Variants in NTM observed in about 807,000 individuals in gnomAD.
The protein encoded by NTM is neurotrimin.
NTM carries 13 observed loss-of-function variants against 42.1 expected under a neutral mutation model. The ratio of observed to expected loss-of-function variants is 0.31; its 90% CI spans 0.20 to 0.49. NTM has a LOEUF of 0.49. NTM is among the 20% of genes least tolerant of loss of function. The pLI is 0.99. For synonymous variants in NTM, 187 were observed against 179.2 expected, an observed-to-expected ratio of 1.04 and a Z score of -0.35; for missense variants, 373 against 452.8, an observed-to-expected ratio of 0.82 and a Z score of 1.60.
At position 131,370,758 on chromosome 11, in the gene NTM, A is replaced by G; in HGVS notation, c.-49A>G. ...CAATCTATCAGGAAAGAAAGAAAGA[A>G]AAAAACCGAACCTGACAAAAAAGAA... On this transcript the variant is annotated 5_prime_UTR_variant, in exon 1 of 9. Transcript: ENST00000683400. 6.5e-7 allele frequency: 1 copy of G among 1,530,252 alleles called. No homozygotes were observed. The highest frequency in any genetic ancestry group is 1.8e-5 in the Admixed American group (1 of 56,786). The allele number at this position is 1,530,252 out of a possible 1,614,324, so 94.8% of individuals were successfully genotyped here.
At chr11:131,912,313 C>T (rs2055294222) in intron 2 of NTM, among the ~76,000 whole-genome samples, 1 of 152,172 alleles carries the variant, frequency 6.6e-6, no homozygotes, top group Admixed American at 6.5e-5. Flanking sequence ...CTGCTCTCCA[C>T]CAAAACGGTA....
intron 1 of NTM, among the ~76,000 whole-genome samples, chr11:131,491,318 T>C (rs1417731980): frequency 3.3e-5 from 5 of 152,114 alleles, no homozygotes; most frequent in African/African-American, 4.8e-5. Flanking sequence ...TGATAAAAAG[T>C]ATATAGCTAA....
At chr11:131,833,150 C>T (rs2043037032) in intron 1 of NTM, among the ~76,000 whole-genome samples, 1 of 152,206 alleles carries the variant, frequency 6.6e-6, no homozygotes, top group Non-Finnish European at 1.5e-5. Context: ...TTTTAGATTT[C>T]ACCTGTTCAC....
chr11:131,972,943 A>G (rs2063768885), intron 2 of NTM, among the ~76,000 whole-genome samples: 1 of 152,224 alleles, frequency 6.6e-6, no homozygotes, highest in African/African-American at 2.4e-5. Context: ...CTAAGTAGAA[A>G]CAATTCAACA....
intron 1 of NTM, among the ~76,000 whole-genome samples, chr11:131,595,803 A>T (rs191507603): frequency 6.6e-5 from 10 of 152,360 alleles, no homozygotes; most frequent in Admixed American, 6.5e-4. Context: ...GCCCAGGAAG[A>T]CCTCAAAAGC....
intron 2 of NTM, among the ~76,000 whole-genome samples, chr11:132,072,503 G>A (rs2057820032): frequency 6.6e-6 from 1 of 152,202 alleles, no homozygotes; most frequent in Non-Finnish European, 1.5e-5. Context: ...GCAAGCTTGG[G>A]CAATCTGATA....
At chr11:132,280,187 A>G (rs1306929055) in intron 4 of NTM, among the ~76,000 whole-genome samples, 5 of 152,242 alleles carry the variant, frequency 3.3e-5, no homozygotes, top group Admixed American at 2.6e-4. Context: ...CCTTCTGTAC[A>G]TATAGGGCAG....
At chr11:131,374,678 C>A (rs1388126910) in intron 1 of NTM, among the ~76,000 whole-genome samples, 1 of 152,178 alleles carries the variant, frequency 6.6e-6, no homozygotes, top group Non-Finnish European at 1.5e-5. Flanking sequence ...GTACTGTCTG[C>A]CAGGCTGATA....
intron 3 of NTM, among the ~76,000 whole-genome samples, chr11:132,182,275 C>A (rs1362076345): frequency 6.6e-6 from 1 of 152,110 alleles, no homozygotes; most frequent in African/African-American, 2.4e-5. Context: ...GCTCTTTCCA[C>A]TCTTATAGAA....
chr11:131,583,664 G>A (rs1592122014), intron 1 of NTM, among the ~76,000 whole-genome samples: 1 of 152,136 alleles, frequency 6.6e-6, no homozygotes, highest in Admixed American at 6.5e-5. Flanking sequence ...AAACACAGAT[G>A]GTGACTCAAA....
At chr11:131,874,979 C>T (rs188494527) in intron 1 of NTM, among the ~76,000 whole-genome samples, 144 of 152,254 alleles carry the variant, frequency 9.5e-4, no homozygotes, top group Admixed American at 5.4e-3. Flanking sequence ...CTTCTTGGTG[C>T]CTATTTGTAT....
intron 1 of NTM, among the ~76,000 whole-genome samples, chr11:131,445,781 A>G (rs1026894158): frequency 7.9e-5 from 12 of 152,146 alleles, no homozygotes; most frequent in Non-Finnish European, 1.3e-4. Context: ...TGTGAGCCCA[A>G]TTATTTTTTT....
intron 2 of NTM, among the ~76,000 whole-genome samples, chr11:132,020,255 G>C (rs1407676785): frequency 6.6e-6 from 1 of 152,056 alleles, no homozygotes; most frequent in Non-Finnish European, 1.5e-5. Context: ...CACCTGGGCT[G>C]ATTCTGTGTC....
chr11:132,251,955 A>G (rs1382158433), intron 4 of NTM, among the ~76,000 whole-genome samples: 1 of 152,162 alleles, frequency 6.6e-6, no homozygotes, highest in Non-Finnish European at 1.5e-5. Context: ...AGGTGCTCCA[A>G]ACCTGAGGCT....
intron 1 of NTM, among the ~76,000 whole-genome samples, chr11:131,459,127 C>G (rs940020684): frequency 6.6e-6 from 1 of 152,224 alleles, no homozygotes; most frequent in Non-Finnish European, 1.5e-5. Context: ...CATAAGCCTC[C>G]CACATGGGGG....
In NTM at chr11:132,070,533, C is replaced by T. The variant is rs184939707; in HGVS notation, c.168-75749C>T. Reference sequence around the variant, plus strand: ...AACACGTCACACAGCCAAGTTAACACGTCAAACTGACCGTCACAGTTTAGT... The same window carrying T: ...AACACGTCACACAGCCAAGTTAACATGTCAAACTGACCGTCACAGTTTAGT... On this transcript the variant is annotated intron_variant, in intron 2 of 8. Transcript: ENST00000683400. 2.9e-4 allele frequency among the ~76,000 whole-genome samples: 36 copies of T among 123,148 alleles called. 1 individual carries two copies. The highest frequency in any genetic ancestry group is 9.7e-4 in the African/African-American group (31 of 31,886). 80.8% of individuals were successfully genotyped at this position (123,148 alleles called of 152,430 possible).
chr11:131,674,550 G>T (rs1255551673), intron 1 of NTM, among the ~76,000 whole-genome samples: 2 of 152,230 alleles, frequency 1.3e-5, no homozygotes, highest in Non-Finnish European at 1.5e-5. Flanking sequence ...TATCAGTCGG[G>T]CAAGCGAACT....
chr11:132,126,739 C>G (rs1349742259), intron 2 of NTM, among the ~76,000 whole-genome samples: 1 of 152,102 alleles, frequency 6.6e-6, no homozygotes, highest in Admixed American at 6.6e-5. Context: ...GAGAGGGAAG[C>G]GAGAAGGAGG....
At chr11:131,486,015 C>A (rs891644302) in intron 1 of NTM, among the ~76,000 whole-genome samples, 1 of 151,982 alleles carries the variant, frequency 6.6e-6, no homozygotes, top group African/African-American at 2.4e-5. Context: ...ACAGAGTTGT[C>A]GTGAGGTTCA....
Sources: gnomAD v4.1 joint callset for allele counts (sites outside exome capture counted in the v4.1 genomes callset) on GRCh38, gnomAD v4.1.1 for gene constraint, MANE v1.5 for transcripts, NCBI Gene and HGNC (gene_info 2026-07-23, HGNC 2026-07-21) for gene names.